The following ERVV-2 variants were observed in gnomAD, a reference collection of about 807,000 sequenced individuals.
The protein encoded by ERVV-2 is endogenous retrovirus group V member 2 Env polyprotein.
For missense variants in ERVV-2, 291 were observed against 495.1 expected, an observed-to-expected ratio of 0.59 and a Z score of 3.91; for synonymous variants, 105 against 184.6, an observed-to-expected ratio of 0.57 and a Z score of 3.49.
intron 1 of ERVV-2, among the ~76,000 whole-genome samples, chr19:53,045,602 A>C (rs1039166423): frequency 2.0e-5 from 3 of 152,114 alleles, no homozygotes; most frequent in African/African-American, 7.2e-5. Context: ...CGACCGGCGC[A>C]TATCTTTTAA....
intron 1 of ERVV-2, among the ~76,000 whole-genome samples, chr19:53,045,882 C>G (rs57091306): frequency 0.15 from 22,980 of 151,796 alleles, 1,733 homozygotes; most frequent in Admixed American, 0.19. Context: ...TACTTTTTTC[C>G]TCAGAAATGA....
At position 53,044,955 on chromosome 19, in the gene ERVV-2, C is replaced by T. The variant is rs1163752326; in HGVS notation, c.-389C>T. On this transcript the variant is annotated 5_prime_UTR_variant, in exon 1 of 2. Transcript: ENST00000601417. ...TTACCTGGTTACCTCGCCTGGTTAT[C>T]CAGGTAAGTACCAAAAAGCTGGTGC... 6.6e-6 allele frequency: 1 copy of T among 152,238 alleles called. No homozygotes were observed. Among genetic ancestry groups the T allele is most frequent in the African/African-American group, 2.4e-5 (1 of 41,436 alleles). 9.4% of individuals were successfully genotyped at this position (152,238 alleles called of 1,614,324 possible). A position where few individuals can be genotyped will look rare whatever the true frequency, so the allele number is the denominator to read the frequency against.
chr19:53,047,665 C>T (rs2083896263), intron 1 of ERVV-2, among the ~76,000 whole-genome samples: 1 of 152,192 alleles, frequency 6.6e-6, no homozygotes, highest in South Asian at 2.1e-4. Flanking sequence ...CATGAGACAC[C>T]TCATTTAGGT....
At chr19:53,046,897 G>C (rs1424290808) in intron 1 of ERVV-2, among the ~76,000 whole-genome samples, 1 of 152,302 alleles carries the variant, frequency 6.6e-6, no homozygotes, top group Non-Finnish European at 1.5e-5. Flanking sequence ...GCTGGGCACG[G>C]TGGCTGATGC....
chr19:53,045,293 G>A (rs982885338), intron 1 of ERVV-2, among the ~76,000 whole-genome samples: 3 of 146,948 alleles, frequency 2.0e-5, no homozygotes, highest in Non-Finnish European at 4.5e-5. Flanking sequence ...AGTGACTGGG[G>A]AGCTTCATAT....
rs2083907382 is a variant in ERVV-2, at chr19:53,050,368, T to G, written c.1117T>G (p.Ser373Ala). ...TRDSISKLKASIDSLANVVMD... is the reference protein window; with the variant it reads ...TRDSISKLKAAIDSLANVVMD... ...AGATAGCATCTCTAAACTCAAGGCC[T>G]CCATAGATTCTCTAGCAAATGTAGT... is the stretch of plus-strand genomic sequence containing the variant. Residue 373 changes from serine to alanine, a missense_variant, in exon 2 of 2, where the codon TCC becomes GCC. Transcript: ENST00000601417. 1 of 739,086 alleles carries G rather than the reference T, an allele frequency of 1.4e-6. No homozygotes were observed. Among genetic ancestry groups the G allele is most frequent in the Non-Finnish European group, 2.4e-6 (1 of 418,332 alleles). 45.8% of individuals were successfully genotyped at this position (739,086 alleles called of 1,614,324 possible).
At position 53,050,510 on chromosome 19, in the gene ERVV-2, T is replaced by TA. The variant is rs1568464196; in HGVS notation, c.1265dup (p.Ile423AspfsTer3). 2 of 727,662 alleles carry TA rather than the reference T, an allele frequency of 2.7e-6. No individual in the cohort carries two copies. The highest frequency in any genetic ancestry group is 4.9e-6 in the Non-Finnish European group (2 of 407,760). The allele number at this position is 727,662 out of a possible 1,614,324, so 45.1% of individuals were successfully genotyped here. On this transcript the variant is annotated frameshift_variant, in exon 2 of 2. Coordinates refer to ENST00000601417, the MANE Select transcript of ERVV-2 (RefSeq NM_001191055.2). LOFTEE classifies it low-confidence loss of function (END_TRUNC). ...AACAGTGGGGCGATAGAGGAGGATA[T>TA]AAAAAAGATCTATGATGAGGCTACG... is the stretch of plus-strand genomic sequence containing the variant.
In ERVV-2 at chr19:53,049,048, A is replaced by G; in HGVS notation, c.-204A>G. 1 of 721,986 alleles carries G rather than the reference A, an allele frequency of 1.4e-6. No individual in the cohort carries two copies. Among genetic ancestry groups the G allele is most frequent in the South Asian group, 1.9e-5 (1 of 51,400 alleles). The allele number at this position is 721,986 out of a possible 1,614,324, so 44.7% of individuals were successfully genotyped here. ...GTAAAGCCTTCTCTCTGTTCACCCA[A>G]AACTAAAGTCAATCTCAGTACGGGG... On this transcript the variant is annotated 5_prime_UTR_variant, in exon 2 of 2. Transcript: ENST00000601417.
intron 1 of ERVV-2, among the ~76,000 whole-genome samples, chr19:53,047,086 G>C (rs2145385678): frequency 6.6e-6 from 1 of 152,112 alleles, no homozygotes; most frequent in African/African-American, 2.4e-5. Context: ...TTGAACCCTG[G>C]ACACAGAGGT....
Position 53,051,084 on chromosome 19 carries a change from G to A in ERVV-2, c.*225G>A, listed in dbSNP as rs1182669916. Reference sequence around the variant, plus strand: ...CACTGATAGCTTCCTTGGTGATGCTGCCCACAGACAGTCAGCACTTCTCTA... The same window carrying A: ...CACTGATAGCTTCCTTGGTGATGCTACCCACAGACAGTCAGCACTTCTCTA... On this transcript the variant is annotated 3_prime_UTR_variant, in exon 2 of 2. Coordinates refer to ENST00000601417, the MANE Select transcript of ERVV-2 (RefSeq NM_001191055.2). The A allele has an allele frequency of 4.4e-6, 2 of 456,446 alleles. No homozygotes were observed. The highest frequency in any genetic ancestry group is 4.1e-5 in the African/African-American group (2 of 48,814). 28.3% of individuals were successfully genotyped at this position (456,446 alleles called of 1,614,324 possible).
Position 53,049,003 on chromosome 19 carries a change from C to T in ERVV-2, c.-249C>T. ...TGAGCCACTGGAGAACTTAAAATTC[C>T]ACTTCAAGTGAAAAGATAAGTAAAG... On this transcript the variant is annotated 5_prime_UTR_variant, in exon 2 of 2. Transcript: ENST00000601417. The T allele has an allele frequency of 1.6e-6, 1 of 619,850 alleles. No homozygotes were observed. The highest frequency in any genetic ancestry group is 2.8e-6 in the Non-Finnish European group (1 of 359,874). 38.4% of individuals were successfully genotyped at this position (619,850 alleles called of 1,614,324 possible). A position where few individuals can be genotyped will look rare whatever the true frequency, so the allele number is the denominator to read the frequency against.
chr19:53,046,790 G>A (rs540837325), intron 1 of ERVV-2, among the ~76,000 whole-genome samples: 11 of 152,328 alleles, frequency 7.2e-5, no homozygotes, highest in African/African-American at 1.2e-4. Context: ...ATTGGCTCAC[G>A]TTTGTAATCC....
In ERVV-2 at chr19:53,049,039, G is replaced by A; in HGVS notation, c.-213G>A. Reference sequence around the variant, plus strand: ...AAAAGATAAGTAAAGCCTTCTCTCTGTTCACCCAAAACTAAAGTCAATCTC... The same window carrying A: ...AAAAGATAAGTAAAGCCTTCTCTCTATTCACCCAAAACTAAAGTCAATCTC... On this transcript the variant is annotated 5_prime_UTR_variant, in exon 2 of 2. Coordinates refer to ENST00000601417, the MANE Select transcript of ERVV-2 (RefSeq NM_001191055.2). The A allele has an allele frequency of 1.5e-6, 1 of 684,742 alleles. No homozygotes were observed. Among genetic ancestry groups the A allele is most frequent in the Non-Finnish European group, 2.4e-6 (1 of 415,222 alleles). 42.4% of individuals were successfully genotyped at this position (684,742 alleles called of 1,614,324 possible).
In ERVV-2 at chr19:53,051,535, G is replaced by A. The variant is rs1354304953; in HGVS notation, c.*676G>A. Among the ~76,000 whole-genome samples, 1 of 152,158 alleles carries A rather than the reference G, an allele frequency of 6.6e-6. No homozygotes were observed. The highest frequency in any genetic ancestry group is 1.5e-5 in the Non-Finnish European group (1 of 68,046). ...CCCAGCCATTAGTAGGAGTAGACAC[G>A]TCCTTTTGATCAGCCCGCCCTGTTC... On this transcript the variant is annotated 3_prime_UTR_variant, in exon 2 of 2. Transcript: ENST00000601417.
At chr19:53,046,631 G>A (rs1015869440) in intron 1 of ERVV-2, among the ~76,000 whole-genome samples, 1 of 152,182 alleles carries the variant, frequency 6.6e-6, no homozygotes, top group Non-Finnish European at 1.5e-5. Flanking sequence ...TGAGCCCCAG[G>A]GGGTCTTCTA....
chr19:53,050,732 T>G lies in ERVV-2; in HGVS notation c.1481T>G (p.Met494Arg). Residue 494 changes from methionine (M) to arginine (R), a missense_variant, in exon 2 of 2, where the codon ATG (methionine) becomes AGG (arginine). Physicochemically the swap from Met to Arg is moderately conservative, Grantham distance 91. Coordinates refer to ENST00000601417, the MANE Select transcript of ERVV-2 (RefSeq NM_001191055.2). ...CVSSRIKQFH[M>R]KSPQMERYQL... ...TCTTCTAGGATAAAGCAATTTCACA[T>G]GAAGTCCCCCCAAATGGAAAGATAT... The G allele has an allele frequency of 6.5e-7, 1 of 1,536,054 alleles. No homozygotes were observed. Among genetic ancestry groups the G allele is most frequent in the Middle Eastern group, 1.7e-4 (1 of 5,990 alleles).
rs1048215912 is a variant in ERVV-2, at chr19:53,045,544, G to A, written c.-386+586G>A. Among the ~76,000 whole-genome samples, 14 of 151,986 alleles carry A rather than the reference G, an allele frequency of 9.2e-5. 1 individual carries two copies. The highest frequency in any genetic ancestry group is 1.9e-4 in the East Asian group (1 of 5,164). ...TCTCGAACTCCTGACCTCGTGATCC[G>A]CCCACCTCGGCCTCCCAAACTGCTG... On this transcript the variant is annotated intron_variant, in intron 1 of 1. Transcript: ENST00000601417.
chr19:53,048,977 G>T lies in ERVV-2; in HGVS notation c.-275G>T. 1.7e-6 allele frequency: 1 copy of T among 585,414 alleles called. No individual in the cohort carries two copies. 36.3% of individuals were successfully genotyped at this position (585,414 alleles called of 1,614,324 possible). ...CAGAATTCAGCACCTGAGCATTCTT[G>T]TGAGCCACTGGAGAACTTAAAATTC... On this transcript the variant is annotated 5_prime_UTR_variant, in exon 2 of 2. Transcript: ENST00000601417.
chr19:53,046,934 G>A (rs1455103685), intron 1 of ERVV-2, among the ~76,000 whole-genome samples: 1 of 152,194 alleles, frequency 6.6e-6, no homozygotes, highest in African/African-American at 2.4e-5. Context: ...TTGGGAGGCT[G>A]AGGCGGGCAG....
Sources: gnomAD v4.1 joint callset for allele counts (sites outside exome capture counted in the v4.1 genomes callset) on GRCh38, gnomAD v4.1.1 for gene constraint, MANE v1.5 for transcripts, NCBI Gene and HGNC (gene_info 2026-07-23, HGNC 2026-07-21) for gene names.